The following INPP4B variants were observed in gnomAD, a reference collection of about 807,000 sequenced individuals.
INPP4B encodes inositol polyphosphate-4-phosphatase type II B.
Under a neutral mutation model 122.5 loss-of-function variants are expected in INPP4B, and 55 were observed. That is an observed-to-expected ratio of 0.45 (90% CI 0.36 to 0.56). The LOEUF is 0.56. Ranked by LOEUF, INPP4B falls within the 20% of genes least tolerant of loss-of-function variation. The pLI is 0.00. For synonymous variants in INPP4B, 403 were observed against 388.7 expected (o/e 1.04, Z -0.43); for missense variants, 1,000 against 1,097.7 (o/e 0.91, Z 1.26).
At chr4:142,144,901 A>G (rs971730278) in intron 18 of INPP4B, among the ~76,000 whole-genome samples, 6 of 152,024 alleles carry the variant, frequency 3.9e-5, no homozygotes, top group African/African-American at 1.4e-4. Flanking sequence ...AAATGTTTGT[A>G]TTTTCTTATG....
At chr4:142,815,626 G>A (rs1282542490) in intron 1 of INPP4B, among the ~76,000 whole-genome samples, 1 of 151,890 alleles carries the variant, frequency 6.6e-6, no homozygotes, top group Non-Finnish European at 1.5e-5. Context: ...CTTTCTGCAG[G>A]GATCTAGTTG....
At chr4:142,131,710 C>A (rs1225601550) in intron 18 of INPP4B, among the ~76,000 whole-genome samples, 1 of 152,202 alleles carries the variant, frequency 6.6e-6, no homozygotes, top group Non-Finnish European at 1.5e-5. Context: ...AATCCCAGCA[C>A]TTTGGGAGGC....
chr4:142,514,389 C>T (rs1825144405), intron 2 of INPP4B: 1 of 152,194 alleles, frequency 6.6e-6, no homozygotes, highest in Non-Finnish European at 1.5e-5. Context: ...AAACTTCCAA[C>T]CAAAGGTGTA....
chr4:142,711,353 T>G (rs907699117), intron 2 of INPP4B, among the ~76,000 whole-genome samples: 1 of 152,206 alleles, frequency 6.6e-6, no homozygotes, highest in South Asian at 2.1e-4. Flanking sequence ...TTATACTTAT[T>G]TGTTTACTGC....
intron 2 of INPP4B, among the ~76,000 whole-genome samples, chr4:142,634,421 GC>G (rs1269429997): frequency 1.3e-5 from 2 of 152,074 alleles, no homozygotes; most frequent in Non-Finnish European, 2.9e-5. Context: ...GATCATAGAT[GC>G]AAAAAATACT....
chr4:142,431,345 T>C lies in INPP4B; in HGVS notation c.-86A>G, dbSNP rs1376391803. On this transcript the variant is annotated 5_prime_UTR_variant, in exon 4 of 26. Coordinates refer to ENST00000262992, the MANE Select transcript of INPP4B (RefSeq NM_001101669.3). ...ATTCCTGGTTTAATGTAGATGTATC[T>C]TCACACTAAAGATCTGATATCCCAC... The C allele has an allele frequency of 1.1e-6, 1 of 904,856 alleles. No individual in the cohort carries two copies. Among genetic ancestry groups the C allele is most frequent in the African/African-American group, 1.6e-5 (1 of 60,944 alleles). The allele number at this position is 904,856 out of a possible 1,614,324, so 56.1% of individuals were successfully genotyped here. A position where few individuals can be genotyped will look rare whatever the true frequency, so the allele number is the denominator to read the frequency against.
intron 14 of INPP4B, among the ~76,000 whole-genome samples, chr4:142,201,237 G>C (rs1488832134): frequency 2.0e-5 from 3 of 151,956 alleles, no homozygotes; most frequent in African/African-American, 7.2e-5. Flanking sequence ...AAACAGCTTT[G>C]TTCTCCAGCT....
chr4:142,069,750 C>G (rs1223384115), intron 25 of INPP4B, among the ~76,000 whole-genome samples: 1 of 152,144 alleles, frequency 6.6e-6, no homozygotes, highest in African/African-American at 2.4e-5. Flanking sequence ...TGGATAAATT[C>G]CTGGACACAT....
intron 1 of INPP4B, among the ~76,000 whole-genome samples, chr4:142,796,497 G>T (rs988015315): frequency 6.6e-6 from 1 of 151,910 alleles, no homozygotes; most frequent in Non-Finnish European, 1.5e-5. Context: ...CAGTAGACAC[G>T]GTTGATAGCA....
intron 7 of INPP4B, among the ~76,000 whole-genome samples, chr4:142,379,411 C>A (rs1793231385): frequency 6.6e-6 from 1 of 152,106 alleles, no homozygotes; most frequent in African/African-American, 2.4e-5. Flanking sequence ...AGAAGAAATT[C>A]TTTGTGATGT....
At chr4:142,427,079 G>T (rs967568589) in intron 5 of INPP4B, 3 of 153,280 alleles carry the variant, frequency 2.0e-5, no homozygotes, top group African/African-American at 7.2e-5. Flanking sequence ...CGGAGGATTT[G>T]TGGAATTAAA....
intron 5 of INPP4B, among the ~76,000 whole-genome samples, chr4:142,414,204 T>G (rs1227961080): frequency 1.3e-5 from 2 of 152,160 alleles, no homozygotes; most frequent in Non-Finnish European, 2.9e-5. Context: ...GTTTGTTATT[T>G]TTTTTACCAT....
intron 1 of INPP4B, among the ~76,000 whole-genome samples, chr4:142,740,863 A>G (rs887230246): frequency 6.6e-6 from 1 of 152,058 alleles, no homozygotes; most frequent in African/African-American, 2.4e-5. Context: ...TCAGAAGATA[A>G]ATTAACTTAA....
At chr4:142,504,145 C>A (rs1367926129) in intron 2 of INPP4B, among the ~76,000 whole-genome samples, 1 of 151,802 alleles carries the variant, frequency 6.6e-6, no homozygotes, top group South Asian at 2.1e-4. Flanking sequence ...AAATGGTATA[C>A]TAAGGGTTAA....
chr4:142,707,821 T>A (rs1389777110), intron 2 of INPP4B, among the ~76,000 whole-genome samples: 3 of 152,210 alleles, frequency 2.0e-5, no homozygotes, highest in African/African-American at 7.2e-5. Context: ...GCTGAAAATG[T>A]GGAAGCACCT....
At chr4:142,670,762 T>C (rs937485823) in intron 2 of INPP4B, among the ~76,000 whole-genome samples, 1 of 152,058 alleles carries the variant, frequency 6.6e-6, no homozygotes. Context: ...TAATAATATA[T>C]TGTATTATTA....
At chr4:142,279,971 T>C (rs1162443116) in intron 9 of INPP4B, among the ~76,000 whole-genome samples, 1 of 151,968 alleles carries the variant, frequency 6.6e-6, no homozygotes, top group Non-Finnish European at 1.5e-5. Context: ...AAAAAGGATA[T>C]ATGGATGGCA....
At chr4:142,076,511 C>T (rs1251697966) in intron 25 of INPP4B, among the ~76,000 whole-genome samples, 2 of 151,988 alleles carry the variant, frequency 1.3e-5, no homozygotes, top group African/African-American at 4.8e-5. Context: ...TCAGCTTATT[C>T]CTGTTATTTG....
At chr4:142,406,212 G>C (rs1803319581) in intron 5 of INPP4B, among the ~76,000 whole-genome samples, 1 of 152,194 alleles carries the variant, frequency 6.6e-6, no homozygotes, top group Non-Finnish European at 1.5e-5. Context: ...ACTAGAGGTG[G>C]TTCAAGTTAA....
Sources: gnomAD v4.1 joint callset for allele counts (sites outside exome capture counted in the v4.1 genomes callset) on GRCh38, gnomAD v4.1.1 for gene constraint, MANE v1.5 for transcripts, NCBI Gene and HGNC (gene_info 2026-07-23, HGNC 2026-07-21) for gene names.